Variants in NDST4 observed in about 807,000 individuals in gnomAD.
NDST4 encodes the protein N-heparan sulfate sulfotransferase 4.
In NDST4, 63 loss-of-function variants were observed where a neutral mutation model predicts 100.8. The ratio of observed to expected loss-of-function variants is 0.62; its 90% confidence interval spans 0.51 to 0.77. The LOEUF is 0.77. Ranked by LOEUF, NDST4 falls within the 30% of genes least tolerant of loss-of-function variation. The probability of loss-of-function intolerance (pLI) is 0.00; values close to 1 mark genes in which losing one functional copy is unlikely to be tolerated. For synonymous variants in NDST4, 377 were observed against 361.8 expected (o/e 1.04, Z -0.48); for missense variants, 943 against 1,018.4 (o/e 0.93, Z 1.01).
intron 10 of NDST4, among the ~76,000 whole-genome samples, chr4:114,844,853 C>T (rs958065730): frequency 1.3e-5 from 2 of 152,132 alleles, no homozygotes. Flanking sequence ...TGAAGTTTCC[C>T]TTATGATCAA....
intron 6 of NDST4, among the ~76,000 whole-genome samples, chr4:114,933,409 C>G (rs1271494422): frequency 7.4e-6 from 1 of 135,100 alleles, no homozygotes; most frequent in East Asian, 2.8e-4. Context: ...TGACATTGGA[C>G]TGGGAATTGA....
intron 2 of NDST4, among the ~76,000 whole-genome samples, chr4:114,992,336 T>C (rs1418141886): frequency 6.6e-6 from 1 of 151,984 alleles, no homozygotes; most frequent in South Asian, 2.1e-4. Context: ...TACAGAGTTC[T>C]ATGTCCCCTG....
At chr4:114,870,068 C>T (rs996512696) in intron 7 of NDST4, among the ~76,000 whole-genome samples, 4 of 151,916 alleles carry the variant, frequency 2.6e-5, no homozygotes, top group South Asian at 2.1e-4. Context: ...TTTTGTGGGT[C>T]GATGTAATCT....
intron 2 of NDST4, among the ~76,000 whole-genome samples, chr4:114,991,028 T>C (rs1401028431): frequency 2.0e-5 from 3 of 151,966 alleles, no homozygotes; most frequent in Non-Finnish European, 4.4e-5. Context: ...ATTTTCCTTT[T>C]AATTAAAGGT....
chr4:115,053,940 T>C (rs2126280136), intron 2 of NDST4, among the ~76,000 whole-genome samples: 1 of 152,208 alleles, frequency 6.6e-6, no homozygotes, highest in Non-Finnish European at 1.5e-5. Context: ...TTCCACACTA[T>C]TACATATGTT....
At chr4:114,999,258 A>G (rs1208595772) in intron 2 of NDST4, among the ~76,000 whole-genome samples, 2 of 152,078 alleles carry the variant, frequency 1.3e-5, no homozygotes, top group African/African-American at 4.8e-5. Context: ...TTTAATCATA[A>G]GCAGTCTTGC....
intron 4 of NDST4, among the ~76,000 whole-genome samples, chr4:114,943,981 C>T (rs1048716311): frequency 2.0e-5 from 3 of 152,086 alleles, no homozygotes; most frequent in South Asian, 2.1e-4. Context: ...AGCACAAGGA[C>T]CACAAGCTTG....
intron 6 of NDST4, among the ~76,000 whole-genome samples, chr4:114,905,888 AT>A (rs1166890196): frequency 3.3e-5 from 5 of 151,640 alleles, no homozygotes; most frequent in Non-Finnish European, 5.9e-5. Flanking sequence ...AGGTAACTGA[AT>A]TTTTTTTGCT....
rs1379622983 is a variant in NDST4, at chr4:114,827,768, T to TC, written c.*47_*48insG. On this transcript the variant is annotated 3_prime_UTR_variant, in exon 14 of 14. Transcript: ENST00000264363. Reference sequence around the variant, plus strand: ...TGAGAATAAAGGTGGATTTATTTTTTTTTTAACACTAAAAGTATCTTGAGA... The same window carrying TC: ...TGAGAATAAAGGTGGATTTATTTTTTCTTTTAACACTAAAAGTATCTTGAGA... 6.3e-7 allele frequency: 1 copy of TC among 1,584,252 alleles called. No individual in the cohort carries two copies. Among genetic ancestry groups the TC allele is most frequent in the South Asian group, 1.2e-5 (1 of 85,498 alleles).
chr4:114,859,110 T>A (rs1209352087), intron 7 of NDST4, among the ~76,000 whole-genome samples: 2 of 152,108 alleles, frequency 1.3e-5, no homozygotes, highest in Non-Finnish European at 2.9e-5. Context: ...TAGATGGGGG[T>A]GCCAGAACAG....
At chr4:114,846,046 C>G (rs200993149) in intron 9 of NDST4, 49 bp from the exon 10 acceptor site, 7 of 1,383,628 alleles carry the variant, frequency 5.1e-6, no homozygotes, top group Non-Finnish European at 5.0e-6. Context: ...ATTTTTCTTG[C>G]CATATTCTGA....
intron 4 of NDST4, among the ~76,000 whole-genome samples, chr4:114,952,032 A>G (rs1420543734): frequency 6.6e-6 from 1 of 152,150 alleles, no homozygotes; most frequent in Non-Finnish European, 1.5e-5. Flanking sequence ...CTATGTTATA[A>G]TTTTCATGTA....
intron 6 of NDST4, among the ~76,000 whole-genome samples, chr4:114,874,318 T>C (rs1366131995): frequency 1.3e-5 from 2 of 152,064 alleles, no homozygotes; most frequent in Non-Finnish European, 2.9e-5. Context: ...GGATAAGCTT[T>C]GTTTGATGGA....
chr4:114,985,725 G>T (rs1011244233), intron 2 of NDST4, among the ~76,000 whole-genome samples: 1 of 152,132 alleles, frequency 6.6e-6, no homozygotes, highest in Non-Finnish European at 1.5e-5. Flanking sequence ...TGTTACTAGT[G>T]TTGCAAAGTT....
At chr4:114,949,363 T>A (rs573451269) in intron 4 of NDST4, among the ~76,000 whole-genome samples, 24 of 152,102 alleles carry the variant, frequency 1.6e-4, no homozygotes, top group African/African-American at 5.1e-4. Context: ...TAGAGCATGA[T>A]GTCGGATAGG....
intron 1 of NDST4, among the ~76,000 whole-genome samples, chr4:115,086,001 C>T (rs1036470432): frequency 6.6e-6 from 1 of 152,108 alleles, no homozygotes; most frequent in African/African-American, 2.4e-5. Flanking sequence ...AAGATTATTG[C>T]TTATTCTGGG....
intron 2 of NDST4, among the ~76,000 whole-genome samples, chr4:115,030,771 G>T (rs1208286829): frequency 6.6e-6 from 1 of 152,064 alleles, no homozygotes; most frequent in Non-Finnish European, 1.5e-5. Context: ...ACATGTGTAT[G>T]AGATAAAAGG....
intron 2 of NDST4, among the ~76,000 whole-genome samples, chr4:114,998,049 T>C (rs1341394091): frequency 1.3e-5 from 2 of 152,088 alleles, no homozygotes; most frequent in African/African-American, 4.8e-5. Context: ...CTAAGTAGTA[T>C]GGCTAATGGA....
intron 4 of NDST4, among the ~76,000 whole-genome samples, chr4:114,960,579 A>G (rs1489780724): frequency 3.3e-5 from 5 of 152,162 alleles, no homozygotes; most frequent in African/African-American, 1.2e-4. Context: ...AAAGAAATAA[A>G]GAATGTTGGT....
Sources: gnomAD v4.1 joint callset for allele counts (sites outside exome capture counted in the v4.1 genomes callset) on GRCh38, gnomAD v4.1.1 for gene constraint, MANE v1.5 for transcripts, NCBI Gene and HGNC (gene_info 2026-07-23, HGNC 2026-07-21) for gene names.